The following CNDP2 variants were observed in gnomAD, a reference collection of about 807,000 sequenced individuals.
CNDP2 encodes the protein carnosine dipeptidase 2.
Under a neutral mutation model 55.0 loss-of-function variants are expected in CNDP2, and 38 were observed. The observed-to-expected ratio is 0.69, with a 90% CI of 0.53 to 0.90. The LOEUF is 0.90. CNDP2 is among the 40% of genes least tolerant of loss of function. The pLI is 0.00. For missense variants in CNDP2, 607 were observed against 621.7 expected, an observed-to-expected ratio of 0.98 and a Z score of 0.25; for synonymous variants, 241 against 260.2, an observed-to-expected ratio of 0.93 and a Z score of 0.71.
At chr18:74,508,699 G>A (rs1979169341) in intron 4 of CNDP2, 141 bp from the exon 5 acceptor site, 1 of 644,350 alleles carries the variant, frequency 1.6e-6, no homozygotes. Flanking sequence ...AGTGTTGGGT[G>A]GAAATTGGGG....
At position 74,496,910 on chromosome 18, in the gene CNDP2, C is replaced by T. The variant is rs1355002383; in HGVS notation, c.-93+479C>T. ...GGTGGGGAGTGTGGCGGGACAGAAG[C>T]CTCCCAGGTTCAAAGGGCCCTGGAC... On this transcript the variant is annotated intron_variant, in intron 1 of 11. Transcript: ENST00000324262. Among the ~76,000 whole-genome samples, 3 of 152,134 alleles carry T rather than the reference C, an allele frequency of 2.0e-5. No homozygotes were observed. In the East Asian group the frequency reaches 5.8e-4, roughly 29 times the overall value.
intron 3 of CNDP2, among the ~76,000 whole-genome samples, chr18:74,502,439 G>A (rs1173217696): frequency 3.3e-5 from 5 of 151,352 alleles, no homozygotes; most frequent in African/African-American, 9.7e-5. Context: ...TACTGTGTGT[G>A]TGTATATATA....
chr18:74,518,694 A>G, intron 10 of CNDP2, 54 bp downstream of exon 10: 4 of 1,610,230 alleles, frequency 2.5e-6, no homozygotes, highest in East Asian at 2.2e-5. Context: ...CACGTCTGAC[A>G]GGACTCTGCT....
intron 9 of CNDP2, 91 bp downstream of exon 9, chr18:74,516,483 C>G (rs377145075): frequency 7.7e-7 from 1 of 1,301,056 alleles, no homozygotes; most frequent in Non-Finnish European, 1.0e-6. Flanking sequence ...GACAGACACC[C>G]GGGCCATGCA....
At chr18:74,497,196 G>A (rs1378128990) in intron 1 of CNDP2, among the ~76,000 whole-genome samples, 2 of 152,164 alleles carry the variant, frequency 1.3e-5, no homozygotes, top group East Asian at 1.9e-4. Context: ...CGGAGAACCC[G>A]GGGCCTGCTA....
intron 5 of CNDP2, among the ~76,000 whole-genome samples, chr18:74,509,803 G>A (rs943611528): frequency 4.6e-5 from 7 of 152,232 alleles, no homozygotes; most frequent in Non-Finnish European, 7.3e-5. Flanking sequence ...TGATCATGCT[G>A]TATAGACATC....
chr18:74,517,279 T>G (rs1979731114), intron 9 of CNDP2: 1 of 152,206 alleles, frequency 6.6e-6, no homozygotes, highest in African/African-American at 2.4e-5. Context: ...TTAGTTTTAT[T>G]CAGGCGCCTC....
At chr18:74,501,669 C>T (rs1465886445) in intron 3 of CNDP2, among the ~76,000 whole-genome samples, 197 bp downstream of exon 3, 2 of 152,132 alleles carry the variant, frequency 1.3e-5, no homozygotes, top group Non-Finnish European at 2.9e-5. Context: ...GGTTTTGTGG[C>T]ACTCAGCATT....
chr18:74,504,002 G>C (rs1188206090), intron 3 of CNDP2, among the ~76,000 whole-genome samples: 1 of 148,770 alleles, frequency 6.7e-6, no homozygotes, highest in Admixed American at 6.7e-5. Flanking sequence ...GGGGCGTCAG[G>C]CCATACACTG....
At position 74,499,997 on chromosome 18, in the gene CNDP2, T is replaced by A; in HGVS notation, c.24T>A (p.Phe8Leu). 10 of 1,614,096 alleles carry A rather than the reference T, an allele frequency of 6.2e-6. No individual in the cohort carries two copies. Among genetic ancestry groups the A allele is most frequent in the Non-Finnish European group, 8.5e-6 (10 of 1,180,000 alleles). The change falls in exon 2 of 12, where the codon TTT (phenylalanine) becomes TTA (leucine). Residue 8 changes from phenylalanine (F) to leucine (L), a missense_variant. Coordinates refer to ENST00000324262, the MANE Select transcript of CNDP2 (RefSeq NM_018235.3). ...AGATGGCGGCCCTCACTACCCTGTT[T>A]AAGTACATAGATGAAAATCAGGATC... Reference protein sequence around the residue: MAALTTLFKYIDENQDRY... With the variant: MAALTTLLKYIDENQDRY...
chr18:74,506,327 G>T (rs1185183463), intron 4 of CNDP2, among the ~76,000 whole-genome samples: 2 of 151,934 alleles, frequency 1.3e-5, no homozygotes, highest in East Asian at 3.9e-4. Context: ...TAGAGACGGG[G>T]TTTCACCATG....
intron 2 of CNDP2, among the ~76,000 whole-genome samples, chr18:74,500,540 G>C (rs1050314288): frequency 3.3e-5 from 5 of 152,150 alleles, no homozygotes; most frequent in African/African-American, 9.7e-5. Context: ...TTGTAATTTA[G>C]TCACATTCAG....
chr18:74,520,086 C>A lies in CNDP2; in HGVS notation c.*18C>A. 6.2e-7 allele frequency: 1 copy of A among 1,613,272 alleles called. No individual in the cohort carries two copies. The highest frequency in any genetic ancestry group is 2.2e-5 in the East Asian group (1 of 44,876). ...AGGACTAGGCCAAGCCCTCTGTGTG[C>A]CATCTCCAATGAGAAGGAATCCTGC... On this transcript the variant is annotated 3_prime_UTR_variant, in exon 12 of 12. Transcript: ENST00000324262.
intron 6 of CNDP2, chr18:74,512,246 A>G: frequency 1.8e-6 from 1 of 556,856 alleles, no homozygotes; most frequent in Non-Finnish European, 3.2e-6. Context: ...TGTGGTTGGC[A>G]TATGCCACAG....
Position 74,519,106 on chromosome 18 carries a change from C to T in CNDP2, c.1358+10C>T. The T allele has an allele frequency of 5.6e-6, 9 of 1,600,346 alleles. No individual in the cohort carries two copies. Among genetic ancestry groups the T allele is most frequent in the Non-Finnish European group, 7.7e-6 (9 of 1,170,154 alleles). On this transcript the variant is annotated intron_variant, in intron 11 of 11. Coordinates refer to ENST00000324262, the MANE Select transcript of CNDP2 (RefSeq NM_018235.3). Reference sequence around the variant, plus strand: ...ATGAAAAGCTCAACAGGTGAGAGTCCAGGGTGCGGCCCAGGTTGGCGTCTC... The same window carrying T: ...ATGAAAAGCTCAACAGGTGAGAGTCTAGGGTGCGGCCCAGGTTGGCGTCTC...
intron 2 of CNDP2, chr18:74,500,948 T>A (rs34028177): frequency 0.071 from 11,553 of 162,174 alleles, 501 homozygotes; most frequent in Non-Finnish European, 0.083. Flanking sequence ...ATACAATGTC[T>A]GGAATCTATG....
chr18:74,518,458 C>T, intron 9 of CNDP2, 41 bp from the exon 10 acceptor site: 2 of 1,611,418 alleles, frequency 1.2e-6, no homozygotes, highest in Non-Finnish European at 1.7e-6. Context: ...CAAATGCAAG[C>T]TTATAAAGCA....
In CNDP2 at chr18:74,520,043, A is replaced by G. The variant is rs1979962979; in HGVS notation, c.1403A>G (p.Tyr468Cys). The G allele has an allele frequency of 2.5e-6, 4 of 1,614,058 alleles. No homozygotes were observed. Among genetic ancestry groups the G allele is most frequent in the Non-Finnish European group, 1.7e-6 (2 of 1,180,016 alleles). Residue 468 changes from tyrosine to cysteine, a missense_variant, in exon 12 of 12, where the codon TAT (tyrosine) becomes TGT (cysteine). Transcript: ENST00000324262. ...ACCAAGATGCTGGCCGCGTACCTGT[A>G]TGAGGTCTCCCAGCTGAAGGACTAG... ...EGTKMLAAYL[Y>C]EVSQLKD
At chr18:74,514,469 T>G (rs1039145840) in intron 8 of CNDP2, among the ~76,000 whole-genome samples, 24 of 142,672 alleles carry the variant, frequency 1.7e-4, no homozygotes, top group African/African-American at 4.5e-4. Flanking sequence ...AGGCTATAGG[T>G]TTATGTGGTA....
Sources: allele counts gnomAD v4.1 joint callset (sites outside exome capture counted in the v4.1 genomes callset), GRCh38; gene constraint gnomAD v4.1.1; transcripts MANE v1.5; gene names NCBI Gene and HGNC (gene_info 2026-07-23, HGNC 2026-07-21).